Variants in CDH18 observed in about 807,000 individuals in gnomAD.
CDH18 encodes the protein cadherin-18.
A neutral mutation model predicts 67.9 loss-of-function variants in CDH18; 31 were observed. The ratio of observed to expected loss-of-function variants is 0.46; its 90% confidence interval spans 0.34 to 0.62. CDH18 has a LOEUF of 0.62. Ranked by LOEUF, CDH18 falls within the 20% of genes least tolerant of loss-of-function variation. The pLI, the probability that CDH18 is intolerant of heterozygous loss-of-function variation, is 0.01. For synonymous variants in CDH18, 362 were observed against 347.2 expected (o/e 1.04, Z -0.48); for missense variants, 890 against 975.5 (o/e 0.91, Z 1.17).
At chr5:20,376,219 G>C (rs987645434) in intron 1 of CDH18, among the ~76,000 whole-genome samples, 2 of 148,714 alleles carry the variant, frequency 1.3e-5, no homozygotes, top group African/African-American at 2.5e-5. Context: ...TCAGCCTCCC[G>C]AGTAGCTGGG....
At chr5:20,028,489 T>A (rs1739107685) in intron 2 of CDH18, among the ~76,000 whole-genome samples, 1 of 152,162 alleles carries the variant, frequency 6.6e-6, no homozygotes, top group Non-Finnish European at 1.5e-5. Context: ...GGTTTGGAAA[T>A]ATTTACATTT....
intron 1 of CDH18, among the ~76,000 whole-genome samples, chr5:20,340,080 G>C (rs1740129587): frequency 6.6e-6 from 1 of 152,120 alleles, no homozygotes; most frequent in Admixed American, 6.6e-5. Context: ...AAGAACCAGG[G>C]CCAAGCTTCT....
chr5:19,861,370 GGGA>G (rs537880632), intron 2 of CDH18, among the ~76,000 whole-genome samples: 3 of 152,166 alleles, frequency 2.0e-5, no homozygotes, highest in African/African-American at 7.2e-5. Flanking sequence ...CCCAGGAGCC[GGGA>G]GGAGGCTAGG....
intron 11 of CDH18, among the ~76,000 whole-genome samples, chr5:19,498,281 C>T (rs392488): frequency 0.21 from 32,232 of 151,948 alleles, 3,700 homozygotes; most frequent in African/African-American, 0.28. Flanking sequence ...GCAGAAGAGA[C>T]AGTCTGGAAG....
intron 2 of CDH18, among the ~76,000 whole-genome samples, chr5:20,153,812 C>T (rs1751313294): frequency 6.6e-6 from 1 of 152,128 alleles, no homozygotes; most frequent in African/African-American, 2.4e-5. Context: ...AAGGCTCTAC[C>T]ATGATGACCT....
intron 11 of CDH18, among the ~76,000 whole-genome samples, chr5:19,499,409 C>CAT (rs997854027): frequency 2.6e-5 from 4 of 151,926 alleles, no homozygotes; most frequent in Non-Finnish European, 5.9e-5. Flanking sequence ...GCTATATATA[C>CAT]ATATGTGTGC....
chr5:19,517,669 CTT>C (rs1180237042), intron 10 of CDH18, among the ~76,000 whole-genome samples: 5 of 152,016 alleles, frequency 3.3e-5, no homozygotes, highest in African/African-American at 9.7e-5. Context: ...TTTTGTTTCT[CTT>C]GTTTCTTGAG....
intron 5 of CDH18, among the ~76,000 whole-genome samples, chr5:19,703,354 G>A (rs545439332): frequency 6.6e-6 from 1 of 152,138 alleles, no homozygotes; most frequent in Non-Finnish European, 1.5e-5. Flanking sequence ...ATGTGCAAGT[G>A]TGGGCTCTGG....
intron 2 of CDH18, among the ~76,000 whole-genome samples, chr5:20,193,231 C>T (rs1000954115): frequency 6.6e-6 from 1 of 151,932 alleles, no homozygotes; most frequent in Non-Finnish European, 1.5e-5. Flanking sequence ...CAAATAAACA[C>T]ATTAAAAAAT....
intron 2 of CDH18, among the ~76,000 whole-genome samples, chr5:20,169,044 A>T (rs1413297718): frequency 6.6e-6 from 1 of 152,152 alleles, no homozygotes; most frequent in Non-Finnish European, 1.5e-5. Context: ...ATAGAAAGAA[A>T]GAATGAATAA....
intron 1 of CDH18, among the ~76,000 whole-genome samples, chr5:20,292,277 A>C (rs1561944590): frequency 6.6e-6 from 1 of 152,204 alleles, no homozygotes; most frequent in Non-Finnish European, 1.5e-5. Context: ...TGATGGTTCA[A>C]TTTCTGAGAT....
At chr5:20,115,340 G>A (rs983873713) in intron 2 of CDH18, among the ~76,000 whole-genome samples, 7 of 132,878 alleles carry the variant, frequency 5.3e-5, no homozygotes, top group African/African-American at 8.4e-5. Flanking sequence ...GTGTAGTGGC[G>A]CGATCTCAGC....
chr5:19,585,805 T>C (rs1744049956), intron 7 of CDH18, among the ~76,000 whole-genome samples: 2 of 152,194 alleles, frequency 1.3e-5, no homozygotes, highest in Admixed American at 1.3e-4. Context: ...TTTCCTCCCA[T>C]ATTTTTGCTT....
intron 3 of CDH18, among the ~76,000 whole-genome samples, chr5:19,809,967 C>A (rs1034544687): frequency 6.6e-6 from 1 of 152,014 alleles, no homozygotes; most frequent in Non-Finnish European, 1.5e-5. Flanking sequence ...AGCACACACA[C>A]GGAAAATAGA....
At chr5:20,269,341 T>C (rs1047505283) in intron 1 of CDH18, among the ~76,000 whole-genome samples, 15 of 151,182 alleles carry the variant, frequency 9.9e-5, no homozygotes, top group Non-Finnish European at 2.2e-4. Flanking sequence ...GAACTAAAAA[T>C]AGAACTGCAA....
intron 2 of CDH18, among the ~76,000 whole-genome samples, chr5:19,851,914 ATG>A (rs1783750457): frequency 6.6e-6 from 1 of 152,016 alleles, no homozygotes; most frequent in East Asian, 1.9e-4. Context: ...AGAGTTTTCT[ATG>A]TTACACAAGA....
intron 1 of CDH18, among the ~76,000 whole-genome samples, chr5:20,465,533 G>T (rs544962038): frequency 1.3e-5 from 2 of 152,020 alleles, no homozygotes; most frequent in East Asian, 3.9e-4. Context: ...TTTAAAATTT[G>T]TATGTTAAAT....
chr5:20,250,283 T>TA (rs796577014), intron 2 of CDH18, among the ~76,000 whole-genome samples: 1 of 113,042 alleles, frequency 8.8e-6, no homozygotes, highest in South Asian at 3.0e-4. Context: ...AATTTTATTT[T>TA]TTTTTTTATT....
chr5:19,861,670 A>AAGAG (rs1433467910), intron 2 of CDH18, among the ~76,000 whole-genome samples: 1 of 152,160 alleles, frequency 6.6e-6, no homozygotes, highest in Non-Finnish European at 1.5e-5. Flanking sequence ...AGGTCAAACT[A>AAGAG]AGAGAGCTTA....
Sources: allele counts gnomAD v4.1 joint callset (sites outside exome capture counted in the v4.1 genomes callset), GRCh38; gene constraint gnomAD v4.1.1; transcripts MANE v1.5; gene names NCBI Gene and HGNC (gene_info 2026-07-23, HGNC 2026-07-21).